The following PCDH15 variants were observed in gnomAD, a reference collection of about 807,000 sequenced individuals.
PCDH15 encodes protocadherin related 15, also known as protocadherin-15.
PCDH15 carries 129 observed loss-of-function variants against 178.5 expected under a neutral mutation model. The observed-to-expected ratio is 0.72, with a 90% CI of 0.63 to 0.84. The LOEUF (loss-of-function observed/expected upper bound fraction) is 0.84, where lower values mean the gene tolerates loss of function less well. PCDH15 is among the 40% of genes least tolerant of loss of function. The pLI, the probability that PCDH15 is intolerant of heterozygous loss-of-function variation, is 0.00. For missense variants in PCDH15, 2,230 were observed against 2,099.9 expected (o/e 1.06, Z -1.21); for synonymous variants, 800 against 732.0 (o/e 1.09, Z -1.50).
chr10:54,062,823 A>C (rs1480332853), intron 18 of PCDH15, among the ~76,000 whole-genome samples: 2 of 152,164 alleles, frequency 1.3e-5, no homozygotes, highest in Admixed American at 1.3e-4. Context: ...AAAACTAATC[A>C]TCATGTTGAT....
At chr10:54,116,009 AG>A (rs1249622623) in intron 15 of PCDH15, among the ~76,000 whole-genome samples, 2 of 152,190 alleles carry the variant, frequency 1.3e-5, no homozygotes, top group African/African-American at 4.8e-5. Flanking sequence ...AGTTGAAAGA[AG>A]GGTGTTTCAA....
chr10:55,020,837 G>C (rs569787630), intron 2 of PCDH15, among the ~76,000 whole-genome samples: 1 of 152,226 alleles, frequency 6.6e-6, no homozygotes, highest in South Asian at 2.1e-4. Context: ...CTTCACAGGT[G>C]CATAGGACAG....
At position 53,959,912 on chromosome 10, in the gene PCDH15, A is replaced by G. The variant is rs1012275285; in HGVS notation, c.3010-68T>C. 5.0e-6 allele frequency: 6 copies of G among 1,209,982 alleles called. No homozygotes were observed. In the South Asian group the frequency reaches 6.2e-5, roughly 13 times the overall value. 75.0% of individuals were successfully genotyped at this position (1,209,982 alleles called of 1,614,324 possible). On this transcript the variant is annotated intron_variant, in intron 22 of 37. Coordinates refer to ENST00000644397, the MANE Select transcript of PCDH15 (RefSeq NM_001384140.1). ...AACAGCGTAACAGCACAATTTTTAT[A>G]TGTATGTTTTTACTTATTGGATTGC...
At chr10:55,317,476 G>T (rs1310980657) in intron 1 of PCDH15, among the ~76,000 whole-genome samples, 2 of 143,914 alleles carry the variant, frequency 1.4e-5, no homozygotes, top group African/African-American at 5.3e-5. Flanking sequence ...AGGCTTAATA[G>T]TGTTTTTTTT....
At position 55,180,940 on chromosome 10, in the gene PCDH15, GA is replaced by G. The variant is rs148776672; in HGVS notation, c.-155-14290del. Among the ~76,000 whole-genome samples, 103 of 151,644 alleles carry G rather than the reference GA, an allele frequency of 6.8e-4. 1 individual carries two copies. The South Asian group carries it at 0.02, about 29-fold the overall frequency. ...TGTTCCTAGAGGGGGAAAACTCAGA[GA>G]AAAAAAACATATTTTTTTAATACTA... On this transcript the variant is annotated intron_variant, in intron 1 of 5. Coordinates refer to the PCDH15 transcript ENST00000458638.
chr10:54,266,579 G>C (rs1208567940), intron 8 of PCDH15, among the ~76,000 whole-genome samples: 1 of 151,750 alleles, frequency 6.6e-6, no homozygotes, highest in Non-Finnish European at 1.5e-5. Context: ...ACAAAAAAGA[G>C]AAGATCCAAA....
At chr10:54,723,116 A>G (rs1199318572) in intron 1 of PCDH15, among the ~76,000 whole-genome samples, 4 of 151,776 alleles carry the variant, frequency 2.6e-5, no homozygotes, top group African/African-American at 9.7e-5. Context: ...GGACGAATCT[A>G]GAGGAATCAC....
chr10:54,115,771 G>C (rs190582596), intron 15 of PCDH15, among the ~76,000 whole-genome samples: 1 of 152,242 alleles, frequency 6.6e-6, no homozygotes, highest in Admixed American at 6.5e-5. Context: ...TCCTGTAATT[G>C]AATCTTAATT....
chr10:54,806,740 T>C (rs1952783990), intron 3 of PCDH15, among the ~76,000 whole-genome samples: 1 of 152,114 alleles, frequency 6.6e-6, no homozygotes, highest in African/African-American at 2.4e-5. Flanking sequence ...CGCCTTGGCC[T>C]CAAAGAATTC....
At chr10:54,289,133 T>C (rs2059227144) in intron 8 of PCDH15, among the ~76,000 whole-genome samples, 1 of 152,082 alleles carries the variant, frequency 6.6e-6, no homozygotes, top group Non-Finnish European at 1.5e-5. Flanking sequence ...ACACCTCATA[T>C]AGGCAGGTGC....
intron 14 of PCDH15, among the ~76,000 whole-genome samples, chr10:54,135,218 T>A (rs778586948): frequency 1.4e-3 from 145 of 102,112 alleles, no homozygotes; most frequent in Middle Eastern, 4.9e-3. Flanking sequence ...AAAAAAAAAA[T>A]TTCATGCTTA....
intron 2 of PCDH15, among the ~76,000 whole-genome samples, chr10:55,518,402 A>G (rs1197545345): frequency 6.6e-6 from 1 of 152,110 alleles, no homozygotes; most frequent in East Asian, 1.9e-4. Flanking sequence ...CATCTCAGAC[A>G]AACACCGCCA....
chr10:54,201,380 T>A lies in PCDH15; in HGVS notation c.1099-5491A>T, dbSNP rs571625656. On this transcript the variant is annotated intron_variant, in intron 10 of 37. Coordinates refer to ENST00000644397, the MANE Select transcript of PCDH15 (RefSeq NM_001384140.1). Reference sequence around the variant, plus strand: ...AGGTAATACCACATTTTAATTTGGATAATATTATAAATTTATGAAATATTT... The same window carrying A: ...AGGTAATACCACATTTTAATTTGGAAAATATTATAAATTTATGAAATATTT... Among the ~76,000 whole-genome samples the A allele has an allele frequency of 1.7e-3, 257 of 152,112 alleles. 1 individual carries two copies. Among genetic ancestry groups the A allele is most frequent in the African/African-American group, 5.7e-3 (236 of 41,550 alleles).
intron 2 of PCDH15, among the ~76,000 whole-genome samples, chr10:55,441,648 AG>A (rs1299555767): frequency 6.6e-6 from 1 of 152,216 alleles, no homozygotes; most frequent in Non-Finnish European, 1.5e-5. Context: ...TTCAGAAACA[AG>A]ATAATCCTAA....
intron 2 of PCDH15, among the ~76,000 whole-genome samples, chr10:54,660,171 T>A (rs2135374498): frequency 6.6e-6 from 1 of 152,202 alleles, no homozygotes; most frequent in Middle Eastern, 3.4e-3. Flanking sequence ...ATAAAATTGA[T>A]AAGACTGCTA....
intron 18 of PCDH15, among the ~76,000 whole-genome samples, chr10:54,044,079 TGGCA>T (rs1482914614): frequency 6.6e-6 from 1 of 152,062 alleles, no homozygotes; most frequent in African/African-American, 2.4e-5. Flanking sequence ...CTTATAGTAT[TGGCA>T]GCACCAGGAG....
intron 2 of PCDH15, among the ~76,000 whole-genome samples, chr10:54,910,195 G>A (rs1465435440): frequency 6.6e-6 from 1 of 152,068 alleles, no homozygotes; most frequent in Non-Finnish European, 1.5e-5. Context: ...CACTGCAGCT[G>A]GCTGGATGGC....
intron 17 of PCDH15, among the ~76,000 whole-genome samples, chr10:54,075,148 C>T (rs1466576109): frequency 1.3e-5 from 2 of 152,022 alleles, no homozygotes; most frequent in African/African-American, 4.8e-5. Flanking sequence ...GAGGCTGAGG[C>T]AGGCAGATCA....
chr10:55,296,334 G>A (rs1190434053), intron 1 of PCDH15, among the ~76,000 whole-genome samples: 2 of 152,262 alleles, frequency 1.3e-5, no homozygotes, highest in East Asian at 3.9e-4. Context: ...TTGAAGGATG[G>A]TGCTGAAAGT....
Sources: gnomAD v4.1 joint callset for allele counts (sites outside exome capture counted in the v4.1 genomes callset) on GRCh38, gnomAD v4.1.1 for gene constraint, MANE v1.5 for transcripts, NCBI Gene and HGNC (gene_info 2026-07-23, HGNC 2026-07-21) for gene names.